The following CD80 variants were observed in gnomAD, a reference collection of about 807,000 sequenced individuals.
The protein encoded by CD80 is T-lymphocyte activation antigen CD80.
A neutral mutation model predicts 27.1 loss-of-function variants in CD80; 13 were observed. The ratio of observed to expected loss-of-function variants is 0.48; its 90% CI spans 0.31 to 0.76. The LOEUF is 0.76. Among genes scored for constraint, CD80 ranks in the 30% least tolerant of loss-of-function variants. The pLI is 0.04. For missense variants in CD80, 277 were observed against 347.9 expected, an observed-to-expected ratio of 0.80 and a Z score of 1.62; for synonymous variants, 125 against 125.5, an observed-to-expected ratio of 1.00 and a Z score of 0.03.
intron 4 of CD80, among the ~76,000 whole-genome samples, chr3:119,533,984 A>T (rs755676395): frequency 7.2e-5 from 11 of 152,288 alleles, no homozygotes; most frequent in Non-Finnish European, 1.5e-4. Context: ...TGAGACATTT[A>T]TACCCTAAAG....
At chr3:119,551,903 G>A (rs561289994) in intron 2 of CD80, among the ~76,000 whole-genome samples, 4 of 152,210 alleles carry the variant, frequency 2.6e-5, no homozygotes, top group Non-Finnish European at 5.9e-5. Flanking sequence ...GCTGGCATGG[G>A]GAGCCCCTCC....
At chr3:119,545,236 CG>C (rs1560056924) in intron 2 of CD80, among the ~76,000 whole-genome samples, 1 of 151,854 alleles carries the variant, frequency 6.6e-6, no homozygotes, top group Non-Finnish European at 1.5e-5. Context: ...CCCAGCTACT[CG>C]GGAGGCTGAG....
chr3:119,546,560 C>A (rs1452305925), intron 2 of CD80, among the ~76,000 whole-genome samples: 3 of 151,880 alleles, frequency 2.0e-5, no homozygotes, highest in African/African-American at 7.3e-5. Flanking sequence ...GAGATGAGGT[C>A]AACTAAGAAG....
At chr3:119,526,734 C>T (rs761552544) in intron 6 of CD80, among the ~76,000 whole-genome samples, 2 of 152,110 alleles carry the variant, frequency 1.3e-5, no homozygotes, top group African/African-American at 2.4e-5. Context: ...GTTGTATAAG[C>T]GTCAGGTATT....
At chr3:119,538,870 T>C (rs369958907) in intron 3 of CD80, among the ~76,000 whole-genome samples, 1 of 152,120 alleles carries the variant, frequency 6.6e-6, no homozygotes, top group African/African-American at 2.4e-5. Flanking sequence ...TGAGGGGGCA[T>C]TGTGTGCGTG....
In CD80 at chr3:119,527,842, C is replaced by T; in HGVS notation, c.797-1G>A. 1.2e-6 allele frequency: 2 copies of T among 1,612,656 alleles called. No homozygotes were observed. The highest frequency in any genetic ancestry group is 1.3e-5 in the African/African-American group (1 of 74,996). On this transcript the variant is annotated splice_acceptor_variant, in intron 5 of 6. Transcript: ENST00000264246. LOFTEE classifies it high-confidence loss of function. ...CTCTCTCTGCATCTTGGGGCAAAGC[C>T]TTGGAGACAAGAACAAACAATAAAA...
intron 4 of CD80, among the ~76,000 whole-genome samples, chr3:119,535,289 C>T (rs1186161893): frequency 2.0e-5 from 3 of 151,964 alleles, no homozygotes; most frequent in Non-Finnish European, 2.9e-5. Context: ...TTATCCACTT[C>T]GCAACTACAA....
At chr3:119,552,513 C>CAA (rs11369803) in intron 2 of CD80, among the ~76,000 whole-genome samples, 1,143 of 31,224 alleles carry the variant, frequency 0.037, 138 homozygotes, top group African/African-American at 0.064. Context: ...GACTCTGTCT[C>CAA]AAAAAAAAAA....
chr3:119,526,818 T>C (rs2082069944), intron 6 of CD80, among the ~76,000 whole-genome samples: 1 of 152,198 alleles, frequency 6.6e-6, no homozygotes, highest in African/African-American at 2.4e-5. Context: ...TAAAGATAAT[T>C]TTGTAGACTA....
intron 2 of CD80, among the ~76,000 whole-genome samples, chr3:119,547,337 T>C (rs1051115949): frequency 6.6e-5 from 10 of 152,256 alleles, no homozygotes; most frequent in Non-Finnish European, 1.2e-4. Flanking sequence ...CCCATTCTCC[T>C]TTCTCCAAGG....
chr3:119,529,357 A>G (rs913118938), intron 5 of CD80, among the ~76,000 whole-genome samples: 4 of 152,096 alleles, frequency 2.6e-5, no homozygotes, highest in Non-Finnish European at 5.9e-5. Context: ...AAATTTGTCA[A>G]TTTGCCTTTT....
chr3:119,551,676 C>G (rs956217024), intron 2 of CD80, among the ~76,000 whole-genome samples: 2 of 152,202 alleles, frequency 1.3e-5, no homozygotes, highest in African/African-American at 2.4e-5. Flanking sequence ...GCAGCACAAA[C>G]CAGACCGAGA....
intron 5 of CD80, 58 bp downstream of exon 5, chr3:119,529,784 G>A: frequency 8.5e-7 from 1 of 1,177,706 alleles, no homozygotes. Flanking sequence ...GCCGAACCAT[G>A]GTAATAAAGT....
chr3:119,532,723 T>C (rs2082116927), intron 4 of CD80, among the ~76,000 whole-genome samples: 1 of 152,216 alleles, frequency 6.6e-6, no homozygotes, highest in Non-Finnish European at 1.5e-5. Context: ...TTTTCTGTTC[T>C]ATATTCAGAA....
intron 4 of CD80, among the ~76,000 whole-genome samples, chr3:119,530,526 G>A (rs2082103857): frequency 6.6e-6 from 1 of 151,850 alleles, no homozygotes; most frequent in Non-Finnish European, 1.5e-5. Flanking sequence ...TATTAGGTGG[G>A]ACCATCCTAG....
At chr3:119,539,121 A>C (rs2082154597) in intron 3 of CD80, among the ~76,000 whole-genome samples, 1 of 152,242 alleles carries the variant, frequency 6.6e-6, no homozygotes, top group African/African-American at 2.4e-5. Context: ...ATATCATTGA[A>C]ATGTATTTGA....
intron 3 of CD80, among the ~76,000 whole-genome samples, chr3:119,541,612 T>C (rs1254450318): frequency 1.3e-5 from 2 of 152,196 alleles, no homozygotes; most frequent in African/African-American, 4.8e-5. Flanking sequence ...TGAGAGCTTG[T>C]TAGAGGTGCA....
intron 2 of CD80, among the ~76,000 whole-genome samples, chr3:119,551,353 A>G (rs1449253558): frequency 2.0e-5 from 3 of 152,186 alleles, no homozygotes; most frequent in Non-Finnish European, 4.4e-5. Context: ...CGGGTGCAAC[A>G]GTGTTGAGAA....
At chr3:119,546,323 C>T (rs1236394763) in intron 2 of CD80, among the ~76,000 whole-genome samples, 1 of 152,156 alleles carries the variant, frequency 6.6e-6, no homozygotes, top group Non-Finnish European at 1.5e-5. Context: ...TATTGAATTA[C>T]TCTTCATACT....
Sources: allele counts gnomAD v4.1 joint callset (sites outside exome capture counted in the v4.1 genomes callset), GRCh38; gene constraint gnomAD v4.1.1; transcripts MANE v1.5; gene names NCBI Gene and HGNC (gene_info 2026-07-23, HGNC 2026-07-21).